ASIC2: variants seen among roughly 807,000 people sequenced by gnomAD.
ASIC2 encodes acid sensing ion channel subunit 2, also known as acid-sensing ion channel 2.
Under a neutral mutation model 57.3 loss-of-function variants are expected in ASIC2, and 25 were observed. That is an observed-to-expected ratio of 0.44 (90% CI 0.32 to 0.61). ASIC2 has a LOEUF of 0.61. Among genes scored for constraint, ASIC2 ranks in the 20% least tolerant of loss-of-function variants. The pLI is 0.06. For missense variants in ASIC2, 641 were observed against 738.1 expected (o/e 0.87, Z 1.52); for synonymous variants, 319 against 307.5 (o/e 1.04, Z -0.39).
At chr17:33,761,914 A>T (rs1372294182) in intron 1 of ASIC2, among the ~76,000 whole-genome samples, 1 of 150,022 alleles carries the variant, frequency 6.7e-6, no homozygotes, top group Admixed American at 6.6e-5. Context: ...TTCAACCACT[A>T]CTTGACCTTC....
chr17:33,708,731 C>T (rs1234746923), intron 1 of ASIC2, among the ~76,000 whole-genome samples: 1 of 152,162 alleles, frequency 6.6e-6, no homozygotes, highest in African/African-American at 2.4e-5. Flanking sequence ...CACCAACCAT[C>T]TCCTCCCCTT....
At chr17:33,110,587 A>G (rs532777034) in intron 2 of ASIC2, among the ~76,000 whole-genome samples, 7 of 152,172 alleles carry the variant, frequency 4.6e-5, no homozygotes, top group African/African-American at 7.2e-5. Flanking sequence ...ACTGGCTGTG[A>G]TGGGAGGTAA....
At chr17:33,183,950 G>A (rs1461248162) in intron 1 of ASIC2, among the ~76,000 whole-genome samples, 1 of 152,094 alleles carries the variant, frequency 6.6e-6, no homozygotes, top group African/African-American at 2.4e-5. Context: ...TCTGGGCTTC[G>A]GTTTCCTCTT....
chr17:33,787,813 A>C (rs1911652474), intron 1 of ASIC2, among the ~76,000 whole-genome samples: 4 of 152,100 alleles, frequency 2.6e-5, no homozygotes, highest in Admixed American at 2.6e-4. Context: ...TCAGTGTTGG[A>C]GGTGGGGCCT....
intron 1 of ASIC2, among the ~76,000 whole-genome samples, chr17:33,579,808 C>T (rs564761396): frequency 7.1e-4 from 108 of 152,164 alleles, no homozygotes; most frequent in Non-Finnish European, 1.3e-3. Context: ...AAAAACACCC[C>T]TTGGATTTCG....
intron 1 of ASIC2, among the ~76,000 whole-genome samples, chr17:33,663,793 G>T (rs1001212385): frequency 6.6e-6 from 1 of 152,098 alleles, no homozygotes; most frequent in South Asian, 2.1e-4. Flanking sequence ...CAATGGATCT[G>T]TGCCCTTCCC....
At chr17:33,398,591 G>C (rs1033206012) in intron 1 of ASIC2, among the ~76,000 whole-genome samples, 12 of 152,132 alleles carry the variant, frequency 7.9e-5, no homozygotes, top group African/African-American at 2.9e-4. Context: ...TGGTGGTGAT[G>C]ATGATGATGA....
chr17:33,868,356 T>G (rs1415890523), intron 1 of ASIC2, among the ~76,000 whole-genome samples: 1 of 152,148 alleles, frequency 6.6e-6, no homozygotes, highest in Non-Finnish European at 1.5e-5. Flanking sequence ...CAATGAAACT[T>G]TATTTACAAA....
intron 3 of ASIC2, among the ~76,000 whole-genome samples, chr17:33,074,091 C>T (rs990599464): frequency 6.6e-6 from 1 of 152,152 alleles, no homozygotes; most frequent in Admixed American, 6.5e-5. Flanking sequence ...GCTCTCTGCT[C>T]CTTGTATCCC....
intron 1 of ASIC2, among the ~76,000 whole-genome samples, chr17:33,139,482 A>G (rs2092378930): frequency 6.6e-6 from 1 of 152,246 alleles, no homozygotes; most frequent in Non-Finnish European, 1.5e-5. Context: ...GTTGTGGGCA[A>G]CACTGTTTTG....
intron 1 of ASIC2, among the ~76,000 whole-genome samples, chr17:33,135,921 T>C (rs1041379147): frequency 6.6e-6 from 1 of 152,258 alleles, no homozygotes; most frequent in Non-Finnish European, 1.5e-5. Flanking sequence ...CCTCCATGTC[T>C]ACATTGGTCT....
At chr17:33,109,967 A>G (rs2092250156) in intron 2 of ASIC2, among the ~76,000 whole-genome samples, 1 of 152,174 alleles carries the variant, frequency 6.6e-6, no homozygotes, top group Non-Finnish European at 1.5e-5. Flanking sequence ...CAGTGCTCAG[A>G]CCAAGGCCAT....
chr17:33,607,440 G>C (rs1905258079), intron 1 of ASIC2, among the ~76,000 whole-genome samples: 1 of 152,108 alleles, frequency 6.6e-6, no homozygotes, highest in South Asian at 2.1e-4. Flanking sequence ...CACTGATTTG[G>C]AGGCCAAAGT....
At chr17:34,087,679 A>G (rs1474857603) in intron 1 of ASIC2, among the ~76,000 whole-genome samples, 2 of 151,996 alleles carry the variant, frequency 1.3e-5, no homozygotes, top group Non-Finnish European at 2.9e-5. Flanking sequence ...AGGTACACCA[A>G]TCAGACGTAG....
chr17:33,052,983 C>T (rs2091983176), intron 3 of ASIC2: 1 of 152,092 alleles, frequency 6.6e-6, no homozygotes, highest in Non-Finnish European at 1.5e-5. Context: ...TACAGGAGGA[C>T]AGAGACACCA....
At chr17:33,119,111 G>A (rs1597587132) in intron 1 of ASIC2, among the ~76,000 whole-genome samples, 1 of 152,178 alleles carries the variant, frequency 6.6e-6, no homozygotes, top group Non-Finnish European at 1.5e-5. Context: ...CTTAAGGACT[G>A]TTGAAACATC....
intron 1 of ASIC2, among the ~76,000 whole-genome samples, chr17:34,135,533 G>T (rs935072708): frequency 6.6e-6 from 1 of 152,156 alleles, no homozygotes; most frequent in Non-Finnish European, 1.5e-5. Flanking sequence ...TCTCTGTGGC[G>T]AGACCCAGAC....
At chr17:33,955,757 C>T (rs954669385) in intron 1 of ASIC2, among the ~76,000 whole-genome samples, 2 of 152,144 alleles carry the variant, frequency 1.3e-5, no homozygotes, top group African/African-American at 4.8e-5. Flanking sequence ...CAGGGCCCCT[C>T]CTCCAACGTC....
At chr17:33,905,192 G>GT (rs1394253563) in intron 1 of ASIC2, among the ~76,000 whole-genome samples, 2 of 114,144 alleles carry the variant, frequency 1.8e-5, no homozygotes, top group African/African-American at 3.5e-5. Context: ...CCTTAGGAAA[G>GT]TAAACCAAGC....
Sources: gnomAD v4.1 joint callset for allele counts (sites outside exome capture counted in the v4.1 genomes callset) on GRCh38, gnomAD v4.1.1 for gene constraint, MANE v1.5 for transcripts, NCBI Gene and HGNC (gene_info 2026-07-23, HGNC 2026-07-21) for gene names.